C7orf78: variants seen among roughly 807,000 people sequenced by gnomAD.
The protein encoded by C7orf78 is putative uncharacterized protein C7orf78.
chr7:12,525,830 GT>G, the C7orf78 span: 1 of 396,606 alleles, frequency 2.5e-6, no homozygotes, highest in Non-Finnish European at 4.4e-6. Flanking sequence ...TACCAACCTG[GT>G]TTACCAAACT....
At chr7:12,490,453 G>T in the C7orf78 span, among the ~76,000 whole-genome samples, 2 of 152,046 alleles carry the variant, frequency 1.3e-5, no homozygotes, top group Admixed American at 6.6e-5. Flanking sequence ...TATCAAGAAG[G>T]CCATGAAAAC....
the C7orf78 span, among the ~76,000 whole-genome samples, chr7:12,508,679 C>T: frequency 6.6e-6 from 1 of 152,152 alleles, no homozygotes; most frequent in Non-Finnish European, 1.5e-5. Context: ...AACCAGGCCA[C>T]ACAACAGGAG....
the C7orf78 span, chr7:12,528,802 C>T: frequency 2.3e-5 from 9 of 395,902 alleles, no homozygotes; most frequent in East Asian, 2.5e-4. Flanking sequence ...AGCGACTTAC[C>T]ACTCCTGGGT....
At chr7:12,532,772 T>C in the C7orf78 span, among the ~76,000 whole-genome samples, 2 of 152,222 alleles carry the variant, frequency 1.3e-5, no homozygotes, top group East Asian at 3.9e-4. Flanking sequence ...ATATATAATG[T>C]CTAGAGCTTT....
the C7orf78 span, chr7:12,507,024 C>T: frequency 6.8e-6 from 3 of 437,964 alleles, no homozygotes; most frequent in Middle Eastern, 7.1e-4. Flanking sequence ...TAGAAAAGGG[C>T]CGGGCGCGGT....
At chr7:12,519,195 T>C in the C7orf78 span, among the ~76,000 whole-genome samples, 1 of 152,096 alleles carries the variant, frequency 6.6e-6, no homozygotes, top group Non-Finnish European at 1.5e-5. Flanking sequence ...TTATTTGCTC[T>C]TGGAGGCAGC....
the C7orf78 span, among the ~76,000 whole-genome samples, chr7:12,490,019 T>G: frequency 2.6e-5 from 4 of 152,154 alleles, no homozygotes; most frequent in African/African-American, 4.8e-5. Flanking sequence ...AATCTTATAT[T>G]TAGCCTTTTT....
chr7:12,534,644 G>A, the C7orf78 span, among the ~76,000 whole-genome samples: 2 of 152,036 alleles, frequency 1.3e-5, no homozygotes, highest in Non-Finnish European at 2.9e-5. Flanking sequence ...ATAAGAAATA[G>A]GCATGTAATC....
the C7orf78 span, chr7:12,496,636 A>T: frequency 1.2e-4 from 19 of 152,186 alleles, no homozygotes; most frequent in Admixed American, 1.2e-3. Flanking sequence ...ATGTATTCTT[A>T]TAGGTTTGTA....
the C7orf78 span, among the ~76,000 whole-genome samples, chr7:12,521,789 G>T: frequency 6.6e-6 from 1 of 151,114 alleles, no homozygotes; most frequent in African/African-American, 2.4e-5. Context: ...TTTCCCTCTT[G>T]GATGAATTTA....
chr7:12,489,030 C>T, the C7orf78 span, among the ~76,000 whole-genome samples: 1 of 151,038 alleles, frequency 6.6e-6, no homozygotes, highest in Non-Finnish European at 1.5e-5. Flanking sequence ...AAAGGAATAC[C>T]CAAATGCTGG....
At chr7:12,502,449 A>G in the C7orf78 span, among the ~76,000 whole-genome samples, 1 of 152,094 alleles carries the variant, frequency 6.6e-6, no homozygotes, top group South Asian at 2.1e-4. Context: ...TCTCAAAAGA[A>G]GACATTTATG....
chr7:12,495,710 T>C, the C7orf78 span, among the ~76,000 whole-genome samples: 1 of 152,202 alleles, frequency 6.6e-6, no homozygotes, highest in African/African-American at 2.4e-5. Flanking sequence ...TTTTAACTTA[T>C]AGAATATTTC....
At chr7:12,532,503 T>C in the C7orf78 span, among the ~76,000 whole-genome samples, 2 of 150,480 alleles carry the variant, frequency 1.3e-5, no homozygotes, top group Non-Finnish European at 2.9e-5. Flanking sequence ...GAGCCAACAT[T>C]GTGCCACTGC....
the C7orf78 span, chr7:12,483,377 C>T: frequency 2.0e-5 from 3 of 152,200 alleles, no homozygotes; most frequent in South Asian, 6.2e-4. Context: ...AAGGTTTTCT[C>T]GAGACAGCAT....
the C7orf78 span, among the ~76,000 whole-genome samples, chr7:12,512,648 T>G: frequency 6.6e-6 from 1 of 152,322 alleles, no homozygotes; most frequent in Non-Finnish European, 1.5e-5. Context: ...CTACTGTAGT[T>G]TTCTTATTTT....
chr7:12,516,177 C>T, the C7orf78 span, among the ~76,000 whole-genome samples: 2 of 152,180 alleles, frequency 1.3e-5, no homozygotes, highest in Non-Finnish European at 2.9e-5. Context: ...GTACTACGTG[C>T]AGCCTAGGGA....
At chr7:12,511,594 C>G in the C7orf78 span, among the ~76,000 whole-genome samples, 6 of 152,042 alleles carry the variant, frequency 3.9e-5, no homozygotes, top group African/African-American at 1.4e-4. Context: ...ACCTCGTTAG[C>G]TCAATTTATT....
the C7orf78 span, chr7:12,507,101 T>A: frequency 3.5e-6 from 1 of 289,740 alleles, no homozygotes; most frequent in Non-Finnish European, 6.6e-6. Flanking sequence ...GAGATCGAGA[T>A]CATCCTGGCC....
Sources: gnomAD v4.1 joint callset for allele counts (sites outside exome capture counted in the v4.1 genomes callset) on GRCh38, gnomAD v4.1.1 for gene constraint, MANE v1.5 for transcripts, NCBI Gene and HGNC (gene_info 2026-07-23, HGNC 2026-07-21) for gene names.